Variants in UNC5C observed in about 807,000 individuals in gnomAD.
UNC5C encodes unc-5 netrin receptor C.
In UNC5C, 47 loss-of-function variants were observed where a neutral mutation model predicts 99.8. The observed-to-expected ratio is 0.47, with a 90% confidence interval of 0.37 to 0.60. The LOEUF (loss-of-function observed/expected upper bound fraction) is 0.60, where lower values mean the gene tolerates loss of function less well. Ranked by LOEUF, UNC5C falls within the 20% of genes least tolerant of loss-of-function variation. The pLI, the probability that UNC5C is intolerant of heterozygous loss-of-function variation, is 0.00. For missense variants in UNC5C, 1,062 were observed against 1,165.9 expected (o/e 0.91, Z 1.30); for synonymous variants, 487 against 452.2 (o/e 1.08, Z -0.98).
chr4:95,280,893 C>T (rs753724740), intron 3 of UNC5C, among the ~76,000 whole-genome samples: 4 of 151,962 alleles, frequency 2.6e-5, no homozygotes, highest in Non-Finnish European at 5.9e-5. Flanking sequence ...ACACATCCCC[C>T]GACATCTCTT....
At chr4:95,385,998 T>C (rs1257590578) in intron 1 of UNC5C, among the ~76,000 whole-genome samples, 1 of 152,092 alleles carries the variant, frequency 6.6e-6, no homozygotes, top group Admixed American at 6.6e-5. Flanking sequence ...TCTCCTGGCA[T>C]TCGCTCTCCT....
At chr4:95,475,804 C>CATA (rs1297183579) in intron 1 of UNC5C, among the ~76,000 whole-genome samples, 2 of 152,056 alleles carry the variant, frequency 1.3e-5, no homozygotes, top group Non-Finnish European at 2.9e-5. Flanking sequence ...CTGTTTCTGG[C>CATA]ATAAGCCTGA....
intron 4 of UNC5C, among the ~76,000 whole-genome samples, chr4:95,254,314 C>T (rs553493411): frequency 6.6e-6 from 1 of 152,298 alleles, no homozygotes; most frequent in African/African-American, 2.4e-5. Flanking sequence ...CCTGCAATGA[C>T]CTTATCCTCT....
chr4:95,515,231 G>C (rs1722181867), intron 1 of UNC5C, among the ~76,000 whole-genome samples: 1 of 152,034 alleles, frequency 6.6e-6, no homozygotes. Flanking sequence ...TTTAATAATT[G>C]TAATTTATTT....
At chr4:95,207,498 A>G (rs1018896664) in intron 10 of UNC5C, among the ~76,000 whole-genome samples, 3 of 152,194 alleles carry the variant, frequency 2.0e-5, no homozygotes, top group Non-Finnish European at 4.4e-5. Flanking sequence ...ACTGTAATCA[A>G]CAAGCAAATG....
intron 1 of UNC5C, among the ~76,000 whole-genome samples, chr4:95,421,346 T>C (rs1005051304): frequency 1.3e-5 from 2 of 152,182 alleles, no homozygotes; most frequent in African/African-American, 4.8e-5. Flanking sequence ...AAGCCCACTG[T>C]TCTCTGGCCT....
At chr4:95,319,150 C>T (rs1205123872) in intron 2 of UNC5C, among the ~76,000 whole-genome samples, 2 of 152,112 alleles carry the variant, frequency 1.3e-5, no homozygotes, top group East Asian at 3.9e-4. Context: ...TCTCTTGTAC[C>T]CTGGTTTTCA....
chr4:95,290,340 GGT>G (rs1309039187), intron 3 of UNC5C, among the ~76,000 whole-genome samples: 2 of 82,210 alleles, frequency 2.4e-5, no homozygotes, highest in African/African-American at 1.9e-4. Flanking sequence ...AAAGTTTGGT[GGT>G]GTTTTTTTTT....
At chr4:95,270,149 T>C (rs963769500) in intron 4 of UNC5C, among the ~76,000 whole-genome samples, 1 of 152,240 alleles carries the variant, frequency 6.6e-6, no homozygotes, top group African/African-American at 2.4e-5. Context: ...GTGAAAGGTA[T>C]CTCACCTTCC....
At chr4:95,247,238 A>C (rs1338084305) in intron 5 of UNC5C, among the ~76,000 whole-genome samples, 3 of 152,138 alleles carry the variant, frequency 2.0e-5, no homozygotes, top group Non-Finnish European at 4.4e-5. Context: ...ACAGTTGCTA[A>C]ATATGAAATA....
chr4:95,379,465 A>C (rs1744995380), intron 1 of UNC5C, among the ~76,000 whole-genome samples: 1 of 152,198 alleles, frequency 6.6e-6, no homozygotes, highest in Admixed American at 6.5e-5. Flanking sequence ...ACCTCTCTGG[A>C]CATGTTCATG....
intron 5 of UNC5C, among the ~76,000 whole-genome samples, chr4:95,250,166 A>C (rs1739642754): frequency 6.6e-6 from 1 of 152,154 alleles, no homozygotes; most frequent in African/African-American, 2.4e-5. Flanking sequence ...CGAGGAAAGC[A>C]ATTAAACCTC....
Position 95,228,897 on chromosome 4 carries a change from G to A in UNC5C, c.1109-8721C>T, listed in dbSNP as rs143510497. The stretch of plus-strand genomic sequence containing the variant: ...TTCCAAACAGTGTCTTCTGTTACAA[G>A]TGTGGGGCAAGCAAAGAGGTGTACC... On this transcript the variant is annotated intron_variant, in intron 7 of 15. Transcript: ENST00000453304. 3.5e-3 allele frequency among the ~76,000 whole-genome samples: 533 copies of A among 152,264 alleles called. 1 individual carries two copies. Among genetic ancestry groups the A allele is most frequent in the African/African-American group, 0.012 (505 of 41,558 alleles).
At chr4:95,433,929 ATCCT>A (rs1019018501) in intron 1 of UNC5C, among the ~76,000 whole-genome samples, 4 of 151,976 alleles carry the variant, frequency 2.6e-5, no homozygotes, top group African/African-American at 9.7e-5. Context: ...GCACAAGTTA[ATCCT>A]TCCTTTTGTC....
chr4:95,198,248 C>CAA (rs774008911), intron 12 of UNC5C, among the ~76,000 whole-genome samples: 1 of 152,024 alleles, frequency 6.6e-6, no homozygotes, highest in Non-Finnish European at 1.5e-5. Flanking sequence ...CTTGGCCTCC[C>CAA]AAAGTGCTGG....
intron 12 of UNC5C, among the ~76,000 whole-genome samples, chr4:95,190,248 CCAAA>C (rs1195444392): frequency 1.2e-4 from 18 of 151,654 alleles, no homozygotes; most frequent in Non-Finnish European, 2.4e-4. Context: ...GAACAAAAAA[CCAAA>C]CACCACATGT....
intron 1 of UNC5C, among the ~76,000 whole-genome samples, chr4:95,514,700 T>C (rs1722169747): frequency 6.6e-6 from 1 of 150,702 alleles, no homozygotes; most frequent in African/African-American, 2.4e-5. Context: ...TGAGATGGAG[T>C]CTTGCTCTGT....
intron 1 of UNC5C, among the ~76,000 whole-genome samples, chr4:95,499,201 G>A (rs570184127): frequency 1.1e-3 from 171 of 152,224 alleles, no homozygotes; most frequent in African/African-American, 4.0e-3. Flanking sequence ...CAAGTTAGAA[G>A]GAATACTCTG....
chr4:95,217,893 CAT>C (rs1314472587), intron 9 of UNC5C, among the ~76,000 whole-genome samples: 1 of 152,070 alleles, frequency 6.6e-6, no homozygotes, highest in Non-Finnish European at 1.5e-5. Flanking sequence ...GGGTGGAAAA[CAT>C]TATATAATAC....
Sources: gnomAD v4.1 joint callset for allele counts (sites outside exome capture counted in the v4.1 genomes callset) on GRCh38, gnomAD v4.1.1 for gene constraint, MANE v1.5 for transcripts, NCBI Gene and HGNC (gene_info 2026-07-23, HGNC 2026-07-21) for gene names.